Variants in DDX46 observed in about 807,000 individuals in gnomAD.
DDX46 encodes the protein DEAD-box helicase 46, also known as probable ATP-dependent RNA helicase DDX46.
In DDX46, 30 loss-of-function variants were observed where a neutral mutation model predicts 134.9. The observed-to-expected ratio is 0.22, with a 90% confidence interval of 0.17 to 0.30. DDX46 has a LOEUF of 0.30. Among genes scored for constraint, DDX46 ranks in the 10% least tolerant of loss-of-function variants. The probability of loss-of-function intolerance (pLI) is 1.00; values close to 1 mark genes in which losing one functional copy is unlikely to be tolerated. For synonymous variants in DDX46, 415 were observed against 404.1 expected (o/e 1.03, Z -0.32); for missense variants, 622 against 1,248.7 (o/e 0.50, Z 7.56).
intron 21 of DDX46, among the ~76,000 whole-genome samples, chr5:134,825,580 A>G (rs896178190): frequency 1.3e-5 from 2 of 152,200 alleles, no homozygotes; most frequent in Non-Finnish European, 2.9e-5. Flanking sequence ...TGATAAAAAT[A>G]TAGCTCTCTA....
At position 134,782,940 on chromosome 5, in the gene DDX46, T is replaced by C. The variant is rs1300017746; in HGVS notation, c.1046-5T>C. The C allele has an allele frequency of 6.2e-7, 1 of 1,611,802 alleles. No homozygotes were observed. Among genetic ancestry groups the C allele is most frequent in the African/African-American group, 1.3e-5 (1 of 74,842 alleles). On this transcript the variant is annotated splice_region_variant and splice_polypyrimidine_tract_variant and intron_variant, in intron 8 of 22. Coordinates refer to ENST00000452510, the MANE Select transcript of DDX46 (RefSeq NM_001300860.2). The stretch of plus-strand genomic sequence containing the variant: ...AGAACTTTTAATCTGGGTTTTGTTT[T>C]GTAGAGGTAAATGTGTTTCGATTGG...
At chr5:134,785,175 G>T (rs1016488298) in intron 10 of DDX46, among the ~76,000 whole-genome samples, 1 of 152,156 alleles carries the variant, frequency 6.6e-6, no homozygotes, top group African/African-American at 2.4e-5. Context: ...TCTGTGATTT[G>T]CATTAGAAAA....
At chr5:134,785,202 G>C (rs1026478861) in intron 10 of DDX46, among the ~76,000 whole-genome samples, 6 of 152,080 alleles carry the variant, frequency 3.9e-5, no homozygotes, top group African/African-American at 1.4e-4. Context: ...GCATTCTTTT[G>C]AACCAAGTAT....
chr5:134,763,605 C>T (rs1231743222), intron 1 of DDX46, among the ~76,000 whole-genome samples: 3 of 152,122 alleles, frequency 2.0e-5, no homozygotes, highest in Non-Finnish European at 4.4e-5. Context: ...GTGTTTGTTT[C>T]TTCACTTGTC....
chr5:134,776,930 A>G (rs1389581367), intron 5 of DDX46, among the ~76,000 whole-genome samples: 4 of 128,072 alleles, frequency 3.1e-5, no homozygotes, highest in Non-Finnish European at 3.3e-5. Flanking sequence ...AAAAAAAAAA[A>G]GGCCAGGCGT....
chr5:134,782,051 T>C lies in DDX46; in HGVS notation c.1010T>C (p.Val337Ala), dbSNP rs572039261. Reference protein sequence around the residue: ...EYEPFRKNFYVEVPELAKMSQ... With the variant: ...EYEPFRKNFYAEVPELAKMSQ... ...GAGCCATTTAGGAAAAACTTCTATG[T>C]TGAAGTTCCAGAACTAGCAAAAATG... Residue 337 changes from valine (V) to alanine (A), a missense_variant, in exon 8 of 23, where the codon GTT becomes GCT. Coordinates refer to ENST00000452510, the MANE Select transcript of DDX46 (RefSeq NM_001300860.2). The C allele has an allele frequency of 8.8e-6, 14 of 1,594,272 alleles. No homozygotes were observed. The highest frequency in any genetic ancestry group is 1.4e-5 in the African/African-American group (1 of 73,384).
intron 13 of DDX46, among the ~76,000 whole-genome samples, chr5:134,792,137 A>G (rs1267211043): frequency 6.6e-6 from 1 of 152,170 alleles, no homozygotes; most frequent in Non-Finnish European, 1.5e-5. Context: ...AGATCGCATT[A>G]CTGTACTTAA....
At chr5:134,781,589 AG>A (rs1433572180) in intron 7 of DDX46, among the ~76,000 whole-genome samples, 4 of 152,142 alleles carry the variant, frequency 2.6e-5, no homozygotes, top group Non-Finnish European at 5.9e-5. Flanking sequence ...GCCTTATTAG[AG>A]CTGTCTCTGA....
In DDX46 at chr5:134,807,666, C is replaced by G; in HGVS notation, c.1955-82C>G. On this transcript the variant is annotated intron_variant, in intron 15 of 22. Coordinates refer to ENST00000452510, the MANE Select transcript of DDX46 (RefSeq NM_001300860.2). ...TAGGAGTTGGATGTGTCAATTTGTT[C>G]TTCACTGAGTTTAGATTCTTGGTCA... The G allele has an allele frequency of 3.1e-6, 4 of 1,276,280 alleles. No individual in the cohort carries two copies. In the Admixed American group the frequency reaches 9.5e-5, roughly 30 times the overall value. 79.1% of individuals were successfully genotyped at this position (1,276,280 alleles called of 1,614,324 possible). A position where few individuals can be genotyped will look rare whatever the true frequency, so the allele number is the denominator to read the frequency against.
Position 134,828,880 on chromosome 5 carries a change from T to G in DDX46, c.*174T>G, listed in dbSNP as rs1755661385. 1 of 398,108 alleles carries G rather than the reference T, an allele frequency of 2.5e-6. No homozygotes were observed. The highest frequency in any genetic ancestry group is 2.1e-5 in the African/African-American group (1 of 48,494). The allele number at this position is 398,108 out of a possible 1,614,324, so 24.7% of individuals were successfully genotyped here. On this transcript the variant is annotated 3_prime_UTR_variant, in exon 23 of 23. Coordinates refer to ENST00000452510, the MANE Select transcript of DDX46 (RefSeq NM_001300860.2). ...AATCTGTCCGTAAGTACCCCCACAATCAGTCAAACTATATTTAAAGCCAGC... is the reference window on the plus strand; with the variant it reads ...AATCTGTCCGTAAGTACCCCCACAAGCAGTCAAACTATATTTAAAGCCAGC...
Position 134,807,884 on chromosome 5 carries a change from C to T in DDX46, c.2091C>T (p.Pro697=). The T allele has an allele frequency of 6.2e-7, 1 of 1,614,156 alleles. No individual in the cohort carries two copies. The stretch of plus-strand genomic sequence containing the variant: ...TTCTTGTAGTAAATTATAGCTGCCC[C>T]AACCATTATGAGGATTATGTACACA... The part of the protein sequence containing the change: ...HLILVVNYSC[P]NHYEDYVHRA... Residue 697 remains proline (P), a synonymous_variant, in exon 16 of 23, where the codon CCC becomes CCT. Transcript: ENST00000452510.
intron 3 of DDX46, among the ~76,000 whole-genome samples, chr5:134,768,332 G>A (rs751246258): frequency 2.0e-5 from 3 of 151,696 alleles, no homozygotes; most frequent in Admixed American, 6.6e-5. Flanking sequence ...GAATGGTCTC[G>A]ATCTCCTGAT....
intron 5 of DDX46, among the ~76,000 whole-genome samples, chr5:134,775,911 G>A (rs1380794396): frequency 6.6e-6 from 1 of 152,126 alleles, no homozygotes; most frequent in East Asian, 1.9e-4. Flanking sequence ...GAACAACTTG[G>A]TAGCTAAGCA....
At position 134,829,929 on chromosome 5, in the gene DDX46, A is replaced by AAAATAAATAAATCAATAAATAAATAAAT. The variant is rs1755690669; in HGVS notation, c.*1235_*1236insCAATAAATAAATAAATAAATAAATAAAT. 1 of 148,962 alleles carries AAAATAAATAAATCAATAAATAAATAAAT rather than the reference A, an allele frequency of 6.7e-6. No homozygotes were observed. Among genetic ancestry groups the AAAATAAATAAATCAATAAATAAATAAAT allele is most frequent in the African/African-American group, 2.5e-5 (1 of 39,860 alleles). The allele number at this position is 148,962 out of a possible 1,614,324, so 9.2% of individuals were successfully genotyped here. A position where few individuals can be genotyped will look rare whatever the true frequency, so the allele number is the denominator to read the frequency against. Reference sequence around the variant, plus strand: ...TGGGCGACAGAGTGAGACTATCTCAAAAATAAATAAATAAATAAATAAATA... The same window carrying AAAATAAATAAATCAATAAATAAATAAAT: ...TGGGCGACAGAGTGAGACTATCTCAAAAATAAATAAATCAATAAATAAATAAATAAATAAATAAATAAATAAATAAATA... On this transcript the variant is annotated 3_prime_UTR_variant, in exon 23 of 23. Coordinates refer to ENST00000452510, the MANE Select transcript of DDX46 (RefSeq NM_001300860.2).
intron 22 of DDX46, 51 bp from the exon 23 acceptor site, chr5:134,828,607 GT>G (rs1166198135): frequency 4.6e-5 from 42 of 912,398 alleles, no homozygotes; most frequent in South Asian, 1.5e-4. Flanking sequence ...TTTTTTTTTT[GT>G]TTTTTTTGTT....
intron 17 of DDX46, 47 bp from the exon 18 acceptor site, chr5:134,811,649 A>T: frequency 6.5e-7 from 1 of 1,549,404 alleles, no homozygotes; most frequent in East Asian, 2.3e-5. Flanking sequence ...ATTCCTAAAC[A>T]TTAAAGTTTT....
At chr5:134,780,255 T>A (rs1374581132) in intron 6 of DDX46, among the ~76,000 whole-genome samples, 1 of 149,950 alleles carries the variant, frequency 6.7e-6, no homozygotes, top group African/African-American at 2.4e-5. Flanking sequence ...TTATATATTT[T>A]TATATATATT....
intron 21 of DDX46, among the ~76,000 whole-genome samples, chr5:134,822,587 C>T (rs1324151024): frequency 2.0e-5 from 3 of 152,066 alleles, no homozygotes; most frequent in Non-Finnish European, 4.4e-5. Context: ...TGTACTCCCA[C>T]ATCGGCCTCC....
chr5:134,773,714 C>G lies in DDX46; in HGVS notation c.466C>G (p.Leu156Val). Residue 156 changes from leucine to valine, a missense_variant, in exon 5 of 23, where the codon CTG (leucine) becomes GTG (valine). By Grantham distance (32) the Leu-to-Val change is conservative. Coordinates refer to ENST00000452510, the MANE Select transcript of DDX46 (RefSeq NM_001300860.2). ...KDAGNFDQNKLEEEMRKRKER... is the reference protein window; with the variant it reads ...KDAGNFDQNKVEEEMRKRKER... ...CCCCAAGAACTTTGACCAGAATAAG[C>G]TGGAAGAAGAAATGAGAAAGCGAAA... 6.2e-7 allele frequency: 1 copy of G among 1,605,944 alleles called. No individual in the cohort carries two copies. The highest frequency in any genetic ancestry group is 8.5e-7 in the Non-Finnish European group (1 of 1,175,990).
Sources: gnomAD v4.1 joint callset for allele counts (sites outside exome capture counted in the v4.1 genomes callset) on GRCh38, gnomAD v4.1.1 for gene constraint, MANE v1.5 for transcripts, NCBI Gene and HGNC (gene_info 2026-07-23, HGNC 2026-07-21) for gene names.